Variants in EBF2 observed in about 807,000 individuals in gnomAD.
EBF2 encodes the protein EBF transcription factor 2.
Under a neutral mutation model 72.8 loss-of-function variants are expected in EBF2, and 21 were observed. That is an observed-to-expected ratio of 0.29 (90% CI 0.20 to 0.42). EBF2 has a LOEUF of 0.42. Among genes scored for constraint, EBF2 ranks in the 10% least tolerant of loss-of-function variants. The pLI, the probability that EBF2 is intolerant of heterozygous loss-of-function variation, is 1.00. For synonymous variants in EBF2, 299 were observed against 274.2 expected, an observed-to-expected ratio of 1.09 and a Z score of -0.89; for missense variants, 637 against 731.2, an observed-to-expected ratio of 0.87 and a Z score of 1.49.
intron 10 of EBF2, among the ~76,000 whole-genome samples, chr8:25,878,505 T>C (rs1396852398): frequency 6.6e-6 from 1 of 152,188 alleles, no homozygotes; most frequent in African/African-American, 2.4e-5. Context: ...AAATTGGCTT[T>C]TCATGTCAGT....
rs1349331831 is a variant in EBF2, at chr8:26,044,487, G to C, written c.131+242C>G. Among the ~76,000 whole-genome samples, 1 of 152,240 alleles carries C rather than the reference G, an allele frequency of 6.6e-6. No homozygotes were observed. Among genetic ancestry groups the C allele is most frequent in the Non-Finnish European group, 1.5e-5 (1 of 68,044 alleles). Reference sequence around the variant, plus strand: ...CTTGCAAAGAGTGGACTGTGGTAAAGGAGAGGGAGAGAAACGCCTACGACC... The same window carrying C: ...CTTGCAAAGAGTGGACTGTGGTAAACGAGAGGGAGAGAAACGCCTACGACC... On this transcript the variant is annotated intron_variant, in intron 1 of 15. Coordinates refer to ENST00000520164, the MANE Select transcript of EBF2 (RefSeq NM_022659.4). The surrounding 1 kb of genome is among the most constrained non-coding windows in gnomAD (Gnocchi z 4.1).
At chr8:25,990,735 G>T (rs2117209201) in intron 6 of EBF2, among the ~76,000 whole-genome samples, 1 of 152,246 alleles carries the variant, frequency 6.6e-6, no homozygotes, top group African/African-American at 2.4e-5. Flanking sequence ...TTGCTAACTA[G>T]CCCACATAGT....
At chr8:25,998,566 T>C (rs983930459) in intron 6 of EBF2, among the ~76,000 whole-genome samples, 1 of 152,208 alleles carries the variant, frequency 6.6e-6, no homozygotes, top group Non-Finnish European at 1.5e-5. Context: ...ACTCCAGTGG[T>C]GACGTTCTGC....
chr8:25,907,161 G>T (rs1416541007), intron 7 of EBF2, among the ~76,000 whole-genome samples: 12 of 151,974 alleles, frequency 7.9e-5, no homozygotes, highest in Admixed American at 7.9e-4. Context: ...GCTCACACCT[G>T]TAACCCCAGC....
intron 6 of EBF2, among the ~76,000 whole-genome samples, chr8:25,986,026 G>C (rs1457498458): frequency 3.7e-5 from 1 of 26,966 alleles, no homozygotes; most frequent in Admixed American, 3.9e-4. Context: ...AAAAAAAAAA[G>C]TACATGAGGG....
chr8:25,996,944 A>C (rs1804643640), intron 6 of EBF2, among the ~76,000 whole-genome samples: 1 of 152,222 alleles, frequency 6.6e-6, no homozygotes, highest in Non-Finnish European at 1.5e-5. Context: ...GACTAAATCC[A>C]CTATTTTTAG....
chr8:25,871,034 A>T (rs1324297972), intron 10 of EBF2, among the ~76,000 whole-genome samples: 1 of 152,092 alleles, frequency 6.6e-6, no homozygotes, highest in Non-Finnish European at 1.5e-5. Context: ...CCAACACTAA[A>T]CCATAAGAGG....
intron 6 of EBF2, among the ~76,000 whole-genome samples, chr8:26,004,547 C>T (rs1028638030): frequency 4.6e-5 from 7 of 151,758 alleles, no homozygotes; most frequent in Admixed American, 2.0e-4. Flanking sequence ...TGGTGGCATA[C>T]GCCTGTAGTC....
intron 7 of EBF2, among the ~76,000 whole-genome samples, chr8:25,899,529 C>T (rs1802914927): frequency 6.6e-6 from 1 of 152,152 alleles, no homozygotes; most frequent in African/African-American, 2.4e-5. Flanking sequence ...AATTTAAACT[C>T]TCGTTTCCCT....
chr8:25,905,479 T>G (rs56919067), intron 7 of EBF2, among the ~76,000 whole-genome samples: 39,664 of 151,808 alleles, frequency 0.26, 5,966 homozygotes, highest in Middle Eastern at 0.44. Context: ...ATGTGATATA[T>G]CCATACAATG....
intron 6 of EBF2, among the ~76,000 whole-genome samples, chr8:25,980,074 C>A (rs1450703213): frequency 6.6e-6 from 1 of 152,146 alleles, no homozygotes; most frequent in Non-Finnish European, 1.5e-5. Context: ...CTGTAGCTGT[C>A]AAATTCTCAG....
At chr8:25,884,409 G>T (rs1802655864) in intron 10 of EBF2, among the ~76,000 whole-genome samples, 1 of 152,148 alleles carries the variant, frequency 6.6e-6, no homozygotes, top group South Asian at 2.1e-4. Flanking sequence ...GAGAAGAGGG[G>T]ATGGATCTCC....
chr8:25,846,250 C>T (rs750782801), intron 15 of EBF2, among the ~76,000 whole-genome samples: 9 of 149,662 alleles, frequency 6.0e-5, no homozygotes, highest in Non-Finnish European at 7.4e-5. Flanking sequence ...TTTTTTTTTC[C>T]TGGAGGGAGC....
intron 6 of EBF2, among the ~76,000 whole-genome samples, chr8:25,968,860 G>C (rs1404465380): frequency 6.6e-6 from 1 of 152,160 alleles, no homozygotes; most frequent in African/African-American, 2.4e-5. Context: ...GCCCCGCAGA[G>C]TGTCAGTTTT....
chr8:26,038,938 A>ATT (rs1563216412), intron 5 of EBF2, among the ~76,000 whole-genome samples: 1 of 152,226 alleles, frequency 6.6e-6, no homozygotes, highest in Non-Finnish European at 1.5e-5. Flanking sequence ...AATTACCCAA[A>ATT]GCTAGTAAGT....
chr8:25,887,904 T>A lies in EBF2; in HGVS notation c.820A>T (p.Ile274Phe). 6.2e-7 allele frequency: 1 copy of A among 1,613,808 alleles called. No homozygotes were observed. Among genetic ancestry groups the A allele is most frequent in the Non-Finnish European group, 8.5e-7 (1 of 1,179,850 alleles). Reference sequence around the variant, plus strand: ...AGACCATCAAAGAAGTTGTCCCCGATGATGATGACCATGGCTCCTCCTGTG... The same window carrying A: ...AGACCATCAAAGAAGTTGTCCCCGAAGATGATGACCATGGCTCCTCCTGTG... ...WTTGGAMVII[I>F]GDNFFDGLQV... The change falls in exon 9 of 16, where the codon ATC becomes TTC. Residue 274 changes from isoleucine to phenylalanine, a missense_variant. Ile to Phe is a conservative substitution (Grantham distance 21). Coordinates refer to ENST00000520164, the MANE Select transcript of EBF2 (RefSeq NM_022659.4).
chr8:25,974,212 A>C (rs916237862), intron 6 of EBF2, among the ~76,000 whole-genome samples: 3 of 152,220 alleles, frequency 2.0e-5, no homozygotes, highest in African/African-American at 7.2e-5. Context: ...CACAGGTCAC[A>C]GATGGAGTGG....
At chr8:26,006,994 T>C (rs1804893966) in intron 6 of EBF2, among the ~76,000 whole-genome samples, 1 of 152,216 alleles carries the variant, frequency 6.6e-6, no homozygotes, top group Non-Finnish European at 1.5e-5. Flanking sequence ...AAATAAGTTA[T>C]TCGGTTACTG....
At chr8:25,847,919 A>G (rs967837552) in intron 15 of EBF2, among the ~76,000 whole-genome samples, 4 of 152,314 alleles carry the variant, frequency 2.6e-5, no homozygotes, top group Admixed American at 2.6e-4. Context: ...TATGGGGTAC[A>G]GTGGATACTG....
Sources: gnomAD v4.1 joint callset for allele counts (sites outside exome capture counted in the v4.1 genomes callset) on GRCh38, gnomAD v4.1.1 for gene constraint, Gnocchi (gnomAD v3.1) non-coding constraint, MANE v1.5 for transcripts, NCBI Gene and HGNC (gene_info 2026-07-23, HGNC 2026-07-21) for gene names.